TP63: variants seen among roughly 807,000 people sequenced by gnomAD.
TP63 encodes tumor protein 63.
In TP63, 17 loss-of-function variants were observed where a neutral mutation model predicts 82.8. The ratio of observed to expected loss-of-function variants is 0.21; its 90% CI spans 0.14 to 0.31. TP63 has a LOEUF of 0.31. TP63 is among the 10% of genes least tolerant of loss of function. The pLI is 1.00. For missense variants in TP63, 648 were observed against 895.3 expected (o/e 0.72, Z 3.52); for synonymous variants, 330 against 321.7 (o/e 1.03, Z -0.28).
At chr3:189,715,600 G>T (rs1718902472) in intron 1 of TP63, among the ~76,000 whole-genome samples, 1 of 152,190 alleles carries the variant, frequency 6.6e-6, no homozygotes, top group Non-Finnish European at 1.5e-5. Context: ...CACGGGTTGT[G>T]AGTCTGAAAC....
intron 3 of TP63, among the ~76,000 whole-genome samples, chr3:189,747,243 A>C (rs942388781): frequency 6.6e-5 from 10 of 152,128 alleles, no homozygotes; most frequent in Non-Finnish European, 1.2e-4. Context: ...CATTAGACCA[A>C]ATTGACCTAA....
chr3:189,891,971 G>A (rs779400984), intron 13 of TP63, among the ~76,000 whole-genome samples: 10 of 152,094 alleles, frequency 6.6e-5, no homozygotes, highest in Non-Finnish European at 1.3e-4. Context: ...ATGAGGTGAC[G>A]TGTACATAGT....
intron 4 of TP63, among the ~76,000 whole-genome samples, chr3:189,850,274 T>C (rs1483897444): frequency 1.3e-5 from 2 of 151,934 alleles, no homozygotes; most frequent in Non-Finnish European, 1.5e-5. Context: ...AGAGTGAGAC[T>C]CCATCCCCCC....
chr3:189,617,777 C>T, the TP63 span, among the ~76,000 whole-genome samples: 1 of 152,128 alleles, frequency 6.6e-6, no homozygotes, highest in African/African-American at 2.4e-5. Flanking sequence ...CTCCAAAGGC[C>T]AGGACACAAT....
At chr3:189,860,682 C>A (rs1453944450) in intron 4 of TP63, among the ~76,000 whole-genome samples, 1 of 152,174 alleles carries the variant, frequency 6.6e-6, no homozygotes, top group Admixed American at 6.5e-5. Context: ...ATGAAGCCCT[C>A]ACCACTAAAA....
rs568772953 is a variant in TP63, at chr3:189,864,239, C to G, written c.587C>G (p.Thr196Ser). ...TAKSATWTYS[T>S]ELKKLYCQIA... is the part of the protein sequence containing the mutation. ...GGCCCCAACTCTAAGCAGTATTCCA[C>G]TGAACTGAAGAAACTCTACTGCCAA... Residue 196 changes from threonine to serine, a missense_variant, in exon 5 of 14, where the codon ACT (threonine) becomes AGT (serine). Physicochemically the swap from Thr to Ser is moderately conservative, Grantham distance 58. Coordinates refer to ENST00000264731, the MANE Select transcript of TP63 (RefSeq NM_003722.5). 5 of 1,614,176 alleles carry G rather than the reference C, an allele frequency of 3.1e-6. No homozygotes were observed. The highest frequency in any genetic ancestry group is 3.3e-5 in the Admixed American group (2 of 60,024).
At chr3:189,893,694 T>C (rs1721244813) in intron 13 of TP63, among the ~76,000 whole-genome samples, 2 of 152,204 alleles carry the variant, frequency 1.3e-5, no homozygotes, top group Non-Finnish European at 2.9e-5. Flanking sequence ...TGGCCTTCAG[T>C]TGTTCTATCT....
intron 1 of TP63, among the ~76,000 whole-genome samples, chr3:189,649,753 A>G (rs1209687066): frequency 6.8e-6 from 1 of 147,016 alleles, no homozygotes; most frequent in Non-Finnish European, 1.5e-5. Flanking sequence ...GAGGGGAATG[A>G]GGATGGAACT....
At chr3:189,644,919 T>A (rs991215845) in intron 1 of TP63, among the ~76,000 whole-genome samples, 1 of 152,070 alleles carries the variant, frequency 6.6e-6, no homozygotes, top group Non-Finnish European at 1.5e-5. Context: ...TTTCTTTTTT[T>A]TTTTTTTATG....
intron 1 of TP63, among the ~76,000 whole-genome samples, chr3:189,657,344 G>A (rs1713476365): frequency 6.6e-6 from 1 of 152,062 alleles, no homozygotes; most frequent in African/African-American, 2.4e-5. Flanking sequence ...TAAATTTTGT[G>A]AAAATTTGGA....
intron 3 of TP63, among the ~76,000 whole-genome samples, chr3:189,790,251 C>G (rs1050523324): frequency 2.0e-5 from 3 of 152,002 alleles, no homozygotes; most frequent in African/African-American, 7.2e-5. Context: ...AGTTCTATTT[C>G]CAGACTTCAT....
rs752496778 is a variant in TP63, at chr3:189,894,543, C to T, written c.*41C>T. ...CTCTTCCTATCCCTCTCCTAACTGCCAGCCCCCTAAAAGCACTCCTGCTTA... is the reference window on the plus strand; with the variant it reads ...CTCTTCCTATCCCTCTCCTAACTGCTAGCCCCCTAAAAGCACTCCTGCTTA... On this transcript the variant is annotated 3_prime_UTR_variant, in exon 14 of 14. Transcript: ENST00000264731. 3 of 1,608,140 alleles carry T rather than the reference C, an allele frequency of 1.9e-6. No homozygotes were observed. The South Asian group carries it at 3.3e-5, about 18-fold the overall frequency.
At chr3:189,846,611 G>GATGT (rs1714900306) in intron 4 of TP63, among the ~76,000 whole-genome samples, 2 of 141,168 alleles carry the variant, frequency 1.4e-5, no homozygotes, top group African/African-American at 5.3e-5. Context: ...TGGCCAGTAG[G>GATGT]GTGTGTGTGT....
At chr3:189,862,577 T>C (rs140520269) in intron 4 of TP63, among the ~76,000 whole-genome samples, 32 of 152,328 alleles carry the variant, frequency 2.1e-4, no homozygotes, top group African/African-American at 7.7e-4. Context: ...ACAGACTTAT[T>C]TTTCAGTCAT....
intron 1 of TP63, among the ~76,000 whole-genome samples, chr3:189,659,407 G>A (rs973103138): frequency 2.0e-5 from 3 of 152,090 alleles, no homozygotes. Context: ...TTATGGCTGT[G>A]TAGTATTCCA....
intron 1 of TP63, among the ~76,000 whole-genome samples, chr3:189,670,812 C>A (rs1327018174): frequency 6.6e-6 from 1 of 151,988 alleles, no homozygotes; most frequent in Non-Finnish European, 1.5e-5. Flanking sequence ...GAAAATGACA[C>A]CCTCTTCAAT....
At chr3:189,667,420 G>A (rs1236790043) in intron 1 of TP63, among the ~76,000 whole-genome samples, 5 of 151,882 alleles carry the variant, frequency 3.3e-5, no homozygotes, top group East Asian at 1.9e-4. Flanking sequence ...TGGTCTACTC[G>A]CCTCTACCTC....
chr3:189,886,662 A>C, intron 11 of TP63, 111 bp downstream of exon 11: 1 of 1,476,978 alleles, frequency 6.8e-7, no homozygotes, highest in South Asian at 1.2e-5. Context: ...ACAGTGGGAC[A>C]GATCAGATCA....
intron 4 of TP63, among the ~76,000 whole-genome samples, chr3:189,837,053 C>T (rs1713253102): frequency 6.6e-6 from 1 of 152,122 alleles, no homozygotes; most frequent in Non-Finnish European, 1.5e-5. Flanking sequence ...AGCCTTCTGC[C>T]TCTGTGAGTA....
Sources: gnomAD v4.1 joint callset for allele counts (sites outside exome capture counted in the v4.1 genomes callset) on GRCh38, gnomAD v4.1.1 for gene constraint, MANE v1.5 for transcripts, NCBI Gene and HGNC (gene_info 2026-07-23, HGNC 2026-07-21) for gene names.